The following DYSF variants were observed in gnomAD, a reference collection of about 807,000 sequenced individuals.
The protein encoded by DYSF is dystrophy-associated fer-1-like 1.
Under a neutral mutation model 274.9 loss-of-function variants are expected in DYSF, and 212 were observed. That is an observed-to-expected ratio of 0.77 (90% CI 0.69 to 0.86). The LOEUF is 0.86. DYSF is among the 40% of genes least tolerant of loss of function. DYSF has a pLI of 0.00. For missense variants in DYSF, 2,666 were observed against 2,783.2 expected (o/e 0.96, Z 0.95); for synonymous variants, 1,091 against 1,078.7 (o/e 1.01, Z -0.22).
chr2:71,571,038 T>TACACCCAGCACACACACAGATC (rs2092395089), intron 29 of DYSF: 3 of 276,340 alleles, frequency 1.1e-5, no homozygotes, highest in Admixed American at 1.4e-4. Flanking sequence ...ACACACAGAT[T>TACACCCAGCACACACACAGATC]ACACCCAGCA....
At chr2:71,469,168 A>T (rs1477157234) in intron 1 of DYSF, among the ~76,000 whole-genome samples, 1 of 152,184 alleles carries the variant, frequency 6.6e-6, no homozygotes, top group Non-Finnish European at 1.5e-5. Flanking sequence ...ATGTGATGGC[A>T]GGTGAAATTA....
intron 1 of DYSF, 143 bp downstream of exon 1, chr2:71,467,076 G>GCCCCGA (rs773440170): frequency 6.2e-4 from 773 of 1,238,708 alleles, no homozygotes; most frequent in Admixed American, 5.6e-3. Flanking sequence ...GGAAATCCCA[G>GCCCCGA]CCCCGACTTC....
intron 41 of DYSF, among the ~76,000 whole-genome samples, chr2:71,637,372 G>A (rs566850841): frequency 3.9e-5 from 6 of 152,296 alleles, no homozygotes; most frequent in South Asian, 2.1e-4. Context: ...AAGGTAGCAC[G>A]TGGCATGGGT....
chr2:71,536,839 T>G (rs902449930), intron 16 of DYSF, among the ~76,000 whole-genome samples: 3 of 152,324 alleles, frequency 2.0e-5, no homozygotes, highest in Non-Finnish European at 4.4e-5. Context: ...AGTGCTTTCT[T>G]CCCAGAAAAT....
intron 16 of DYSF, among the ~76,000 whole-genome samples, chr2:71,535,698 G>A (rs1392886212): frequency 1.3e-5 from 2 of 152,100 alleles, no homozygotes; most frequent in African/African-American, 2.4e-5. Context: ...CAGGGAGGAT[G>A]GGCTGCGGTG....
At chr2:71,525,516 G>A (rs921851234) in intron 12 of DYSF, among the ~76,000 whole-genome samples, 3 of 152,154 alleles carry the variant, frequency 2.0e-5, no homozygotes, top group African/African-American at 4.8e-5. Flanking sequence ...GAGCCACGGC[G>A]CCCAGGCTTC....
rs1221096138 is a variant in DYSF, at chr2:71,627,423, G to A, written c.4527+6814G>A. On this transcript the variant is annotated intron_variant, in intron 41 of 55. Coordinates refer to ENST00000410020, the MANE Select transcript of DYSF (RefSeq NM_001130987.2). The stretch of plus-strand genomic sequence containing the variant: ...TTGTTATTGATTTCTAGGTTAACTG[G>A]AATGGTCTCTATGGTCCAGAGAGTG... 2.6e-5 allele frequency among the ~76,000 whole-genome samples: 4 copies of A among 152,114 alleles called. No homozygotes were observed. In the East Asian group the frequency reaches 7.7e-4, roughly 29 times the overall value.
chr2:71,507,791 C>T (rs1351578682), intron 4 of DYSF, among the ~76,000 whole-genome samples: 2 of 152,232 alleles, frequency 1.3e-5, no homozygotes, highest in Non-Finnish European at 2.9e-5. Context: ...GAGCCCTGCG[C>T]TCACAAGGGC....
At chr2:71,545,773 C>T (rs569701782) in intron 17 of DYSF, among the ~76,000 whole-genome samples, 11 of 152,262 alleles carry the variant, frequency 7.2e-5, no homozygotes, top group African/African-American at 2.2e-4. Flanking sequence ...TAACATCCCC[C>T]GACCTGTCTT....
chr2:71,664,160 G>C, intron 45 of DYSF, 108 bp from the exon 46 acceptor site: 5 of 1,405,802 alleles, frequency 3.6e-6, no homozygotes, highest in Non-Finnish European at 5.0e-6. Flanking sequence ...ATCTGTAGGG[G>C]GCCCAAGGAA....
intron 3 of DYSF, among the ~76,000 whole-genome samples, chr2:71,482,204 A>G (rs1207384395): frequency 6.6e-6 from 1 of 152,114 alleles, no homozygotes; most frequent in East Asian, 1.9e-4. Context: ...GATGGGCTGG[A>G]ATCAGGTGTC....
At chr2:71,653,254 A>T (rs1366017109) in intron 42 of DYSF, among the ~76,000 whole-genome samples, 1 of 152,216 alleles carries the variant, frequency 6.6e-6, no homozygotes, top group African/African-American at 2.4e-5. Context: ...CAGTGTGGTG[A>T]TTCCTCAGGG....
At chr2:71,612,866 C>A in intron 39 of DYSF, 60 bp downstream of exon 39, 2 of 1,562,288 alleles carry the variant, frequency 1.3e-6, no homozygotes, top group Non-Finnish European at 1.7e-6. Context: ...GCCAAGCTAC[C>A]CTTCCTAGTT....
chr2:71,456,528 C>A (rs1163678003), intron 1 of DYSF, among the ~76,000 whole-genome samples: 2 of 152,170 alleles, frequency 1.3e-5, no homozygotes, highest in African/African-American at 4.8e-5. Flanking sequence ...GCCTTCCCTC[C>A]CCAGCTGGGC....
chr2:71,635,978 G>C (rs1296319477), intron 41 of DYSF, among the ~76,000 whole-genome samples: 1 of 152,012 alleles, frequency 6.6e-6, no homozygotes, highest in Non-Finnish European at 1.5e-5. Context: ...AGGCTGCACT[G>C]GAATCAAGAC....
At chr2:71,565,246 C>CTTTTTTTTTTTTTT (rs796705736) in intron 24 of DYSF, among the ~76,000 whole-genome samples, 76 of 131,288 alleles carry the variant, frequency 5.8e-4, no homozygotes, top group Non-Finnish European at 8.8e-4. Flanking sequence ...CCACCCAGCT[C>CTTTTTTTTTTTTTT]TTTTTTTTTT....
intron 16 of DYSF, among the ~76,000 whole-genome samples, chr2:71,536,452 G>A (rs2089348788): frequency 6.6e-6 from 1 of 152,256 alleles, no homozygotes; most frequent in South Asian, 2.1e-4. Flanking sequence ...TGGGGAAGCG[G>A]TTTGGAGGAA....
At chr2:71,549,031 T>C (rs1421540493) in intron 17 of DYSF, among the ~76,000 whole-genome samples, 2 of 152,214 alleles carry the variant, frequency 1.3e-5, no homozygotes, top group Admixed American at 1.3e-4. Context: ...TTCTGAATTA[T>C]TCCTTGAGTG....
intron 38 of DYSF, among the ~76,000 whole-genome samples, chr2:71,611,832 C>T (rs1366413456): frequency 6.6e-6 from 1 of 152,226 alleles, no homozygotes; most frequent in South Asian, 2.1e-4. Flanking sequence ...GGCCAACCTG[C>T]TCCTCCTATA....
Sources: allele counts gnomAD v4.1 joint callset (sites outside exome capture counted in the v4.1 genomes callset), GRCh38; gene constraint gnomAD v4.1.1; transcripts MANE v1.5; gene names NCBI Gene and HGNC (gene_info 2026-07-23, HGNC 2026-07-21).